The following NELL2 variants were observed in gnomAD, a reference collection of about 807,000 sequenced individuals.
NELL2 encodes the protein protein kinase C-binding protein NELL2.
Under a neutral mutation model 109.6 loss-of-function variants are expected in NELL2, and 41 were observed. That is an observed-to-expected ratio of 0.37 (90% CI 0.29 to 0.49). The LOEUF is 0.49. Among genes scored for constraint, NELL2 ranks in the 20% least tolerant of loss-of-function variants. The pLI, the probability that NELL2 is intolerant of heterozygous loss-of-function variation, is 0.98. For synonymous variants in NELL2, 355 were observed against 344.7 expected (o/e 1.03, Z -0.33); for missense variants, 900 against 1,008.3 (o/e 0.89, Z 1.45).
intron 1 of NELL2, among the ~76,000 whole-genome samples, chr12:44,901,830 G>C (rs147383098): frequency 1.3e-3 from 192 of 152,160 alleles, no homozygotes; most frequent in African/African-American, 4.5e-3. Flanking sequence ...ATGCAGAAAA[G>C]GCCTTCAATA....
At chr12:44,874,555 C>CA (rs781353940) in intron 2 of NELL2, among the ~76,000 whole-genome samples, 37 of 151,566 alleles carry the variant, frequency 2.4e-4, no homozygotes, top group Non-Finnish European at 5.0e-4. Flanking sequence ...CCATTGACTT[C>CA]AAAAAAAAGT....
At chr12:44,793,194 A>G (rs1942496330) in intron 3 of NELL2, among the ~76,000 whole-genome samples, 1 of 152,170 alleles carries the variant, frequency 6.6e-6, no homozygotes, top group Non-Finnish European at 1.5e-5. Flanking sequence ...TTAAGATAAA[A>G]AAGAAAAAGG....
intron 1 of NELL2, among the ~76,000 whole-genome samples, chr12:44,895,510 G>A (rs908864468): frequency 6.6e-6 from 1 of 152,174 alleles, no homozygotes; most frequent in Non-Finnish European, 1.5e-5. Flanking sequence ...TGGTTTAAAT[G>A]CCATTACAAA....
intron 13 of NELL2, among the ~76,000 whole-genome samples, chr12:44,648,410 T>C (rs961743486): frequency 6.6e-6 from 1 of 152,002 alleles, no homozygotes. Context: ...TCTACTATAA[T>C]AGTTTTGCAA....
intron 19 of NELL2, among the ~76,000 whole-genome samples, chr12:44,510,643 T>C (rs927487831): frequency 6.6e-5 from 10 of 152,222 alleles, no homozygotes; most frequent in Middle Eastern, 6.3e-3. Flanking sequence ...TAACTTATTA[T>C]TAAGCTGAGT....
intron 15 of NELL2, among the ~76,000 whole-genome samples, chr12:44,537,433 T>C (rs1301591149): frequency 6.6e-6 from 1 of 152,116 alleles, no homozygotes; most frequent in Non-Finnish European, 1.5e-5. Context: ...TTATATTGGA[T>C]AAAAAAGGAA....
intron 13 of NELL2, among the ~76,000 whole-genome samples, chr12:44,640,719 G>C (rs543664220): frequency 6.6e-6 from 1 of 151,980 alleles, no homozygotes; most frequent in South Asian, 2.1e-4. Context: ...AGAAATAGCT[G>C]AGGAACAAGG....
intron 1 of NELL2, among the ~76,000 whole-genome samples, chr12:44,896,676 G>C (rs1945596535): frequency 6.6e-6 from 1 of 152,158 alleles, no homozygotes. Flanking sequence ...AAAAGCAGTA[G>C]ATTAACTAAG....
upstream of NELL2, chr12:44,881,078 A>C (rs1278859215): frequency 5.3e-5 from 8 of 152,002 alleles, no homozygotes. Context: ...AAAACCACAC[A>C]AAAGGAAGAC....
At chr12:44,597,914 G>A (rs1945032547) in intron 15 of NELL2, among the ~76,000 whole-genome samples, 1 of 152,194 alleles carries the variant, frequency 6.6e-6, no homozygotes, top group African/African-American at 2.4e-5. Context: ...CAGGACAAAT[G>A]CAGGAGATGC....
chr12:44,738,460 T>G (rs1939767859), intron 9 of NELL2, among the ~76,000 whole-genome samples: 1 of 150,260 alleles, frequency 6.7e-6, no homozygotes, highest in African/African-American at 2.5e-5. Flanking sequence ...ATACACACAA[T>G]GGAATATTAT....
intron 1 of NELL2, among the ~76,000 whole-genome samples, chr12:44,892,797 CAAAAAA>C (rs57230571): frequency 1.7e-5 from 1 of 57,766 alleles, no homozygotes; most frequent in Non-Finnish European, 3.5e-5. Context: ...GACTCTGTCT[CAAAAAA>C]AAAAAAAAAA....
At chr12:44,905,012 C>T (rs1945704336) in intron 1 of NELL2, among the ~76,000 whole-genome samples, 1 of 151,948 alleles carries the variant, frequency 6.6e-6, no homozygotes, top group South Asian at 2.1e-4. Context: ...AATGACTGGA[C>T]CAAATTTTCT....
At chr12:44,549,301 G>A (rs1942932858) in intron 15 of NELL2, among the ~76,000 whole-genome samples, 2 of 152,104 alleles carry the variant, frequency 1.3e-5, no homozygotes, top group African/African-American at 4.8e-5. Context: ...AGTGGTCAGG[G>A]TTTTTAGAAA....
intron 17 of NELL2, 87 bp from the exon 18 acceptor site, chr12:44,522,263 G>T: frequency 8.7e-7 from 1 of 1,143,956 alleles, no homozygotes; most frequent in Non-Finnish European, 1.2e-6. Context: ...ATTTCAGATG[G>T]TGACTTGGAA....
intron 9 of NELL2, among the ~76,000 whole-genome samples, chr12:44,740,093 A>G (rs1158591809): frequency 6.6e-6 from 1 of 152,088 alleles, no homozygotes; most frequent in Non-Finnish European, 1.5e-5. Context: ...ATTCCACCCA[A>G]ATTATTATTA....
At chr12:44,811,480 T>C (rs1344397793) in intron 3 of NELL2, among the ~76,000 whole-genome samples, 1 of 151,736 alleles carries the variant, frequency 6.6e-6, no homozygotes, top group African/African-American at 2.4e-5. Context: ...CCTGGAGATA[T>C]AAGCGCAGTT....
At chr12:44,658,746 G>A (rs1947604504) in intron 13 of NELL2, among the ~76,000 whole-genome samples, 2 of 151,692 alleles carry the variant, frequency 1.3e-5, no homozygotes, top group South Asian at 4.2e-4. Context: ...TGAGGTGGCA[G>A]GCGCCTGTAG....
At chr12:44,604,123 A>C (rs1181916755) in intron 15 of NELL2, among the ~76,000 whole-genome samples, 1 of 152,140 alleles carries the variant, frequency 6.6e-6, no homozygotes, top group Non-Finnish European at 1.5e-5. Flanking sequence ...GACCTGATGA[A>C]GGATGATGGT....
Sources: gnomAD v4.1 joint callset for allele counts (sites outside exome capture counted in the v4.1 genomes callset) on GRCh38, gnomAD v4.1.1 for gene constraint, MANE v1.5 for transcripts, NCBI Gene and HGNC (gene_info 2026-07-23, HGNC 2026-07-21) for gene names.